The following KCNH7 variants were observed in gnomAD, a reference collection of about 807,000 sequenced individuals.
KCNH7 encodes voltage-gated inwardly rectifying potassium channel KCNH7.
In KCNH7, 49 loss-of-function variants were observed where a neutral mutation model predicts 120.8. That is an observed-to-expected ratio of 0.41 (90% CI 0.32 to 0.51). The LOEUF is 0.51. Among genes scored for constraint, KCNH7 ranks in the 20% least tolerant of loss-of-function variants. The pLI, the probability that KCNH7 is intolerant of heterozygous loss-of-function variation, is 0.38. For synonymous variants in KCNH7, 547 were observed against 516.1 expected (o/e 1.06, Z -0.81); for missense variants, 1,097 against 1,446.6 (o/e 0.76, Z 3.92).
Position 162,371,951 on chromosome 2 carries a change from G to A in KCNH7, c.3469C>T (p.Arg1157Trp), listed in dbSNP as rs372831112. ...DSDLSLELHL[R>W]QRKTYVHPIR... ...GGATGAACGTAAGTTTTTCTTTGCC[G>A]CAGGTGAAGCTCTAAAGAGAGATCA... The change falls in exon 16 of 16, where the codon CGG becomes TGG. Residue 1157 changes from arginine to tryptophan, a missense_variant. This residue lies in a region of KCNH7 where 406 missense variants were observed against 410.5 expected (regional missense o/e 0.99). Transcript: ENST00000332142. The A allele has an allele frequency of 9.3e-6, 15 of 1,613,702 alleles. No homozygotes were observed. Among genetic ancestry groups the A allele is most frequent in the South Asian group, 3.3e-5 (3 of 91,076 alleles).
chr2:162,748,638 A>T (rs2105424899), intron 2 of KCNH7, among the ~76,000 whole-genome samples: 1 of 152,290 alleles, frequency 6.6e-6, no homozygotes, highest in Middle Eastern at 3.4e-3. Flanking sequence ...CCAAAATTTA[A>T]GTTTGCCAGA....
chr2:162,751,664 T>C (rs898825329), intron 2 of KCNH7, among the ~76,000 whole-genome samples: 10 of 152,156 alleles, frequency 6.6e-5, no homozygotes, highest in Non-Finnish European at 1.5e-4. Context: ...ACATGGTTTA[T>C]AAGTTGATCA....
chr2:162,434,033 G>T (rs1434126613), intron 8 of KCNH7, among the ~76,000 whole-genome samples: 1 of 151,952 alleles, frequency 6.6e-6, no homozygotes, highest in East Asian at 1.9e-4. Flanking sequence ...ATACAATATG[G>T]ACTACTATGC....
intron 2 of KCNH7, among the ~76,000 whole-genome samples, chr2:162,763,945 C>G (rs924175892): frequency 6.6e-6 from 1 of 151,860 alleles, no homozygotes; most frequent in African/African-American, 2.4e-5. Context: ...AATAAAGATG[C>G]TACAGGAGTC....
chr2:162,485,146 A>G (rs1419128175), intron 6 of KCNH7, among the ~76,000 whole-genome samples: 2 of 152,176 alleles, frequency 1.3e-5, no homozygotes, highest in Non-Finnish European at 2.9e-5. Context: ...ATTACCTCAA[A>G]GGTGAGACCT....
intron 2 of KCNH7, among the ~76,000 whole-genome samples, chr2:162,770,981 C>T (rs1419722267): frequency 6.6e-6 from 1 of 152,088 alleles, no homozygotes; most frequent in African/African-American, 2.4e-5. Context: ...GCCTTTTCTT[C>T]CTATCCAGGT....
chr2:162,419,990 G>C (rs1687651660), intron 9 of KCNH7, among the ~76,000 whole-genome samples: 1 of 152,174 alleles, frequency 6.6e-6, no homozygotes, highest in Non-Finnish European at 1.5e-5. Context: ...AACTAAAAAT[G>C]TTGGAGGTAG....
intron 6 of KCNH7, among the ~76,000 whole-genome samples, chr2:162,486,735 C>T (rs1690108548): frequency 6.6e-6 from 1 of 152,002 alleles, no homozygotes; most frequent in South Asian, 2.1e-4. Context: ...AAATGTATAT[C>T]CTAAAAAATC....
At chr2:162,577,753 C>G (rs1451824322) in intron 2 of KCNH7, among the ~76,000 whole-genome samples, 1 of 151,966 alleles carries the variant, frequency 6.6e-6, no homozygotes, top group Non-Finnish European at 1.5e-5. Flanking sequence ...CATAAAATCA[C>G]TTCATTTATT....
intron 2 of KCNH7, among the ~76,000 whole-genome samples, chr2:162,591,524 C>A (rs1440047118): frequency 6.6e-6 from 1 of 151,956 alleles, no homozygotes; most frequent in Non-Finnish European, 1.5e-5. Flanking sequence ...AGACCCCATG[C>A]AAGGGATAAG....
intron 6 of KCNH7, among the ~76,000 whole-genome samples, chr2:162,487,851 T>C (rs535190028): frequency 6.6e-6 from 1 of 152,298 alleles, no homozygotes; most frequent in African/African-American, 2.4e-5. Flanking sequence ...ATAGCTGTAG[T>C]CAATGAAGCT....
Position 162,400,316 on chromosome 2 carries a change from C to T in KCNH7, c.2280G>A (p.Lys760=). Residue 760 remains lysine (K), a synonymous_variant, in exon 10 of 16, where the codon AAG becomes AAA. Transcript: ENST00000332142. ...SKGCLRALAM[K]FKTTHAPPGD... is the part of the protein sequence containing the mutation. The stretch of plus-strand genomic sequence containing the variant: ...CTGGAGGTGCATGGGTGGTTTTGAA[C>T]TTCATTGCCAAAGCTCTAAGGCAAC... 1 of 1,612,516 alleles carries T rather than the reference C, an allele frequency of 6.2e-7. No individual in the cohort carries two copies. The highest frequency in any genetic ancestry group is 8.5e-7 in the Non-Finnish European group (1 of 1,179,068).
intron 2 of KCNH7, among the ~76,000 whole-genome samples, chr2:162,766,864 TACACACACAC>T (rs200638624): frequency 0.03 from 4,279 of 141,548 alleles, 158 homozygotes; most frequent in East Asian, 0.089. Context: ...CTAAGCACAT[TACACACACAC>T]ACACACACAC....
intron 2 of KCNH7, among the ~76,000 whole-genome samples, chr2:162,805,689 T>A (rs1193882950): frequency 6.6e-6 from 1 of 152,064 alleles, no homozygotes; most frequent in Admixed American, 6.6e-5. Context: ...TCCTCAAAGA[T>A]CTAAAAGTAG....
At chr2:162,777,989 T>A (rs1407133296) in intron 2 of KCNH7, among the ~76,000 whole-genome samples, 4 of 152,114 alleles carry the variant, frequency 2.6e-5, no homozygotes, top group Non-Finnish European at 4.4e-5. Context: ...GGTGACACTT[T>A]TTGGCATGCG....
chr2:162,394,144 A>G (rs920057095), intron 12 of KCNH7, among the ~76,000 whole-genome samples: 2 of 151,930 alleles, frequency 1.3e-5, no homozygotes, highest in African/African-American at 4.8e-5. Context: ...TTAAAAATCA[A>G]TCCACTCTAT....
chr2:162,787,629 G>T (rs990225311), intron 2 of KCNH7, among the ~76,000 whole-genome samples: 23 of 152,228 alleles, frequency 1.5e-4, no homozygotes, highest in Admixed American at 5.2e-4. Flanking sequence ...ACAGACTCAT[G>T]ATCAAGTCTT....
chr2:162,477,806 G>A (rs1689797220), intron 6 of KCNH7, among the ~76,000 whole-genome samples: 1 of 143,380 alleles, frequency 7.0e-6, no homozygotes, highest in Non-Finnish European at 1.5e-5. Flanking sequence ...ATAGCCTTCT[G>A]CCCAAACATC....
chr2:162,710,650 C>T (rs1262451033), intron 2 of KCNH7, among the ~76,000 whole-genome samples: 1 of 152,142 alleles, frequency 6.6e-6, no homozygotes, highest in South Asian at 2.1e-4. Context: ...AGTGGGAGGA[C>T]AGTAGGTATA....
Sources: gnomAD v4.1 joint callset for allele counts (sites outside exome capture counted in the v4.1 genomes callset) on GRCh38, gnomAD v4.1.1 for gene constraint, gnomAD v4.1.1 regional missense constraint, MANE v1.5 for transcripts, NCBI Gene and HGNC (gene_info 2026-07-23, HGNC 2026-07-21) for gene names.